The following LARGE1 variants were observed in gnomAD, a reference collection of about 807,000 sequenced individuals.
LARGE1 encodes LARGE xylosyl- and glucuronyltransferase 1.
A neutral mutation model predicts 87.6 loss-of-function variants in LARGE1; 43 were observed. The ratio of observed to expected loss-of-function variants is 0.49; its 90% CI spans 0.38 to 0.63. The LOEUF is 0.63. Ranked by LOEUF, LARGE1 falls within the 30% of genes least tolerant of loss-of-function variation. The probability of loss-of-function intolerance (pLI) is 0.00; values close to 1 mark genes in which losing one functional copy is unlikely to be tolerated. For synonymous variants in LARGE1, 434 were observed against 394.6 expected (o/e 1.10, Z -1.18); for missense variants, 802 against 1,000.2 (o/e 0.80, Z 2.67).
intron 6 of LARGE1, among the ~76,000 whole-genome samples, chr22:33,486,467 G>C (rs1029057222): frequency 6.6e-6 from 1 of 152,078 alleles, no homozygotes; most frequent in Non-Finnish European, 1.5e-5. Flanking sequence ...CATCAAGCAT[G>C]GAAAGCACCT....
chr22:33,385,463 G>T (rs2065289992), intron 7 of LARGE1, among the ~76,000 whole-genome samples: 1 of 141,806 alleles, frequency 7.1e-6, no homozygotes, highest in Admixed American at 7.0e-5. Flanking sequence ...GGGAGGTGGA[G>T]GTTGCAGTGA....
At chr22:33,852,208 C>T (rs1474211331) in intron 1 of LARGE1, among the ~76,000 whole-genome samples, 2 of 152,098 alleles carry the variant, frequency 1.3e-5, no homozygotes, top group Admixed American at 1.3e-4. Context: ...AAATAAGACT[C>T]ATGATGGAGA....
At chr22:33,260,217 G>A (rs745691094) in intron 11 of LARGE1, among the ~76,000 whole-genome samples, 2 of 151,760 alleles carry the variant, frequency 1.3e-5, no homozygotes, top group Admixed American at 6.6e-5. Context: ...CCACCCTGGC[G>A]CTTCCCCTGT....
chr22:33,678,315 G>A (rs959724727), intron 2 of LARGE1, among the ~76,000 whole-genome samples: 5 of 152,144 alleles, frequency 3.3e-5, no homozygotes, highest in East Asian at 1.9e-4. Flanking sequence ...ACAATACCTC[G>A]AGCTGGGCCC....
At chr22:33,714,813 C>T (rs951933913) in intron 2 of LARGE1, among the ~76,000 whole-genome samples, 7 of 152,208 alleles carry the variant, frequency 4.6e-5, no homozygotes, top group African/African-American at 1.2e-4. Context: ...TTCCAATCTA[C>T]GCCATCTCAG....
At chr22:33,596,343 T>C (rs906101624) in intron 5 of LARGE1, among the ~76,000 whole-genome samples, 4 of 152,374 alleles carry the variant, frequency 2.6e-5, no homozygotes, top group Admixed American at 2.0e-4. Context: ...AAGTGCTTTA[T>C]GCTTTTCCAT....
chr22:33,416,547 GT>G (rs911172799), intron 7 of LARGE1, among the ~76,000 whole-genome samples: 113 of 151,646 alleles, frequency 7.5e-4, no homozygotes, highest in African/African-American at 2.4e-3. Flanking sequence ...TGTTTTGTGT[GT>G]TTTTTTTGGG....
chr22:33,127,084 C>T, the LARGE1 span, among the ~76,000 whole-genome samples: 1 of 152,316 alleles, frequency 6.6e-6, no homozygotes, highest in Admixed American at 6.5e-5. Context: ...TCTGAGCACC[C>T]TCTAGAGACA....
chr22:33,505,494 G>A (rs2070718632), intron 6 of LARGE1, among the ~76,000 whole-genome samples: 1 of 152,182 alleles, frequency 6.6e-6, no homozygotes, highest in Non-Finnish European at 1.5e-5. Flanking sequence ...AGGCTCACAG[G>A]GCCCATTATA....
chr22:33,915,866 T>C (rs2065771938), intron 1 of LARGE1, among the ~76,000 whole-genome samples: 1 of 152,158 alleles, frequency 6.6e-6, no homozygotes, highest in Admixed American at 6.5e-5. Flanking sequence ...CACACCACAA[T>C]AGATACTTTA....
intron 11 of LARGE1, among the ~76,000 whole-genome samples, chr22:33,233,037 G>C (rs1926086316): frequency 6.6e-6 from 1 of 152,188 alleles, no homozygotes; most frequent in Non-Finnish European, 1.5e-5. Context: ...AAGGTTGAAT[G>C]TGCTTTGAAT....
At chr22:33,921,318 T>TG (rs2065945461), upstream of LARGE1, among the ~76,000 whole-genome samples, 1 of 152,032 alleles carries the variant, frequency 6.6e-6, no homozygotes, top group Non-Finnish European at 1.5e-5. This position sits in a 1 kb window ranked among gnomAD's most constrained non-coding sequence, Gnocchi z 4.1. Flanking sequence ...CCGCCCTTCT[T>TG]CCCCCAACCC....
chr22:33,861,767 C>T (rs2146596799), intron 1 of LARGE1: 1 of 152,216 alleles, frequency 6.6e-6, no homozygotes, highest in African/African-American at 2.4e-5. Flanking sequence ...ACCCTTCGGC[C>T]AGAATGAGCC....
At chr22:33,838,862 G>GT (rs1346602662) in intron 1 of LARGE1, among the ~76,000 whole-genome samples, 1 of 151,954 alleles carries the variant, frequency 6.6e-6, no homozygotes, top group Non-Finnish European at 1.5e-5. Context: ...GGCTCTCCAC[G>GT]TTTTTTGTTT....
chr22:33,886,705 G>GGGA (rs1454459820), intron 1 of LARGE1, among the ~76,000 whole-genome samples: 4 of 149,290 alleles, frequency 2.7e-5, no homozygotes, highest in African/African-American at 9.8e-5. Flanking sequence ...GAGGGAAGGA[G>GGGA]GGAGGGAGGG....
At chr22:33,282,246 G>A (rs1341639165) in intron 13 of LARGE1, among the ~76,000 whole-genome samples, 1 of 152,216 alleles carries the variant, frequency 6.6e-6, no homozygotes, top group Non-Finnish European at 1.5e-5. Flanking sequence ...TCAGGTGACT[G>A]AGGCAGGAGA....
chr22:33,795,548 G>A (rs1470871035), intron 1 of LARGE1, among the ~76,000 whole-genome samples: 2 of 152,070 alleles, frequency 1.3e-5, no homozygotes, highest in African/African-American at 4.8e-5. Context: ...CTGCTATAAA[G>A]ACACATGCGC....
chr22:33,570,766 G>A (rs76891505), intron 5 of LARGE1, among the ~76,000 whole-genome samples: 145 of 152,152 alleles, frequency 9.5e-4, no homozygotes, highest in Non-Finnish European at 1.7e-3. Context: ...GGAAAAGTGC[G>A]TGGGAGTGAT....
intron 3 of LARGE1, among the ~76,000 whole-genome samples, chr22:33,635,226 A>AG (rs2080235871): frequency 6.6e-6 from 1 of 152,102 alleles, no homozygotes; most frequent in South Asian, 2.1e-4. Context: ...CAGACCGTAC[A>AG]GGGGATCGAG....
Sources: allele counts gnomAD v4.1 joint callset (sites outside exome capture counted in the v4.1 genomes callset), GRCh38; gene constraint gnomAD v4.1.1; non-coding constraint Gnocchi (gnomAD v3.1); transcripts MANE v1.5; gene names NCBI Gene and HGNC (gene_info 2026-07-23, HGNC 2026-07-21).